Variants in ACER3 observed in about 807,000 individuals in gnomAD.
ACER3 encodes alkaline ceramidase 3.
ACER3 carries 16 observed loss-of-function variants against 48.9 expected under a neutral mutation model. The observed-to-expected ratio is 0.33, with a 90% CI of 0.22 to 0.50. ACER3 has a LOEUF of 0.50. Among genes scored for constraint, ACER3 ranks in the 20% least tolerant of loss-of-function variants. The pLI, the probability that ACER3 is intolerant of heterozygous loss-of-function variation, is 0.98. For missense variants in ACER3, 227 were observed against 326.0 expected, an observed-to-expected ratio of 0.70 and a Z score of 2.34; for synonymous variants, 109 against 107.8, an observed-to-expected ratio of 1.01 and a Z score of -0.07.
intron 1 of ACER3, among the ~76,000 whole-genome samples, chr11:76,891,619 G>C (rs1945807020): frequency 6.6e-6 from 1 of 152,184 alleles, no homozygotes; most frequent in African/African-American, 2.4e-5. Flanking sequence ...TAAAGGTCTA[G>C]ACTTGTTACT....
intron 3 of ACER3, among the ~76,000 whole-genome samples, chr11:76,968,121 A>C (rs1375982666): frequency 6.6e-6 from 1 of 152,124 alleles, no homozygotes; most frequent in Non-Finnish European, 1.5e-5. Flanking sequence ...AATGTGCAAA[A>C]ATCACAAGCA....
chr11:76,957,500 G>C lies in ACER3; in HGVS notation c.215-1479G>C, dbSNP rs187366571. 3.2e-3 allele frequency: 1,440 copies of C among 450,200 alleles called. 5 individuals are homozygous for C. The highest frequency in any genetic ancestry group is 4.3e-3 in the Non-Finnish European group (974 of 225,028). 27.9% of individuals were successfully genotyped at this position (450,200 alleles called of 1,614,324 possible). On this transcript the variant is annotated intron_variant, in intron 2 of 10. Transcript: ENST00000532485. ...ACTCTGTCGCCGAGGCTGAAGTGCAGTGGCACAATCTCGGCTCACTGCAAC... is the reference window on the plus strand; with the variant it reads ...ACTCTGTCGCCGAGGCTGAAGTGCACTGGCACAATCTCGGCTCACTGCAAC...
intron 2 of ACER3, among the ~76,000 whole-genome samples, chr11:76,940,260 A>G (rs1947303280): frequency 6.6e-6 from 1 of 152,134 alleles, no homozygotes. Flanking sequence ...CTAGGATTAC[A>G]GGCATGAGCC....
intron 4 of ACER3, among the ~76,000 whole-genome samples, chr11:76,980,241 T>C (rs1008403419): frequency 1.3e-5 from 2 of 152,190 alleles, no homozygotes; most frequent in African/African-American, 4.8e-5. Context: ...AAAAATAAGG[T>C]AAACTCCTTT....
chr11:76,938,988 C>A (rs896558182), intron 2 of ACER3, among the ~76,000 whole-genome samples: 2 of 86,628 alleles, frequency 2.3e-5, no homozygotes, highest in Non-Finnish European at 5.0e-5. Context: ...ATGAAGGAAT[C>A]ATGTCAAAGT....
intron 1 of ACER3, among the ~76,000 whole-genome samples, chr11:76,886,830 G>A (rs1482340227): frequency 3.3e-5 from 5 of 152,032 alleles, no homozygotes; most frequent in Admixed American, 6.5e-5. Context: ...ACAAGTGTGC[G>A]CTACACCTGG....
intron 1 of ACER3, among the ~76,000 whole-genome samples, chr11:76,906,846 C>T (rs1329215382): frequency 1.3e-5 from 2 of 152,182 alleles, no homozygotes; most frequent in African/African-American, 4.8e-5. Flanking sequence ...TAGGCATGAG[C>T]CGCCATGCCT....
chr11:76,969,516 T>C (rs1470735115), intron 3 of ACER3, among the ~76,000 whole-genome samples: 2 of 151,908 alleles, frequency 1.3e-5, no homozygotes, highest in East Asian at 1.9e-4. Flanking sequence ...TGTGGCACTA[T>C]TCACAATAGC....
At chr11:77,016,092 G>GT (rs1949361864) in intron 8 of ACER3, among the ~76,000 whole-genome samples, 1 of 133,100 alleles carries the variant, frequency 7.5e-6, no homozygotes, top group Non-Finnish European at 1.5e-5. Flanking sequence ...GGGCGACAGA[G>GT]CAAGACTCCG....
rs191713756 is a variant in ACER3 at position 76,927,905 on chromosome 11, G to T, written c.214+1238G>T. Among the ~76,000 whole-genome samples, 1,152 of 152,176 alleles carry T rather than the reference G, an allele frequency of 7.6e-3. 7 individuals are homozygous for T. Among genetic ancestry groups the T allele is most frequent in the African/African-American group, 0.026 (1,085 of 41,508 alleles). ...TTCCAAGTCTTTGCTATTGTGAATA[G>T]TGCCGCAATAAACATACGTGTGCAT... On this transcript the variant is annotated intron_variant, in intron 2 of 10. Coordinates refer to ENST00000532485, the MANE Select transcript of ACER3 (RefSeq NM_018367.7).
At chr11:76,876,151 T>C (rs1945374207) in intron 1 of ACER3, among the ~76,000 whole-genome samples, 2 of 152,186 alleles carry the variant, frequency 1.3e-5, no homozygotes, top group South Asian at 4.1e-4. Context: ...CATACACCTA[T>C]GTAACAACCT....
rs533830883 is a variant in ACER3 at position 76,960,917 on chromosome 11, G to C, written c.267+1886G>C. 2.0e-5 allele frequency among the ~76,000 whole-genome samples: 3 copies of C among 152,252 alleles called. No homozygotes were observed. In the East Asian group the frequency reaches 5.8e-4, roughly 29 times the overall value. On this transcript the variant is annotated intron_variant, in intron 3 of 10. Transcript: ENST00000532485. ...AGTGGGATGGAGAGAGTGCCACATAGTGGGGACAGCTTTGTGCCATGTTTT... is the reference window on the plus strand; with the variant it reads ...AGTGGGATGGAGAGAGTGCCACATACTGGGGACAGCTTTGTGCCATGTTTT...
intron 1 of ACER3, among the ~76,000 whole-genome samples, chr11:76,907,168 G>A (rs775821392): frequency 2.6e-5 from 4 of 152,046 alleles, no homozygotes; most frequent in Non-Finnish European, 5.9e-5. Context: ...TCACTTTAAA[G>A]TGAATCCCTC....
intron 7 of ACER3, among the ~76,000 whole-genome samples, chr11:77,007,746 G>A (rs1949183813): frequency 6.6e-6 from 1 of 152,204 alleles, no homozygotes; most frequent in South Asian, 2.1e-4. Context: ...GTGGGGATGA[G>A]AGTCCCAAGC....
intron 5 of ACER3, among the ~76,000 whole-genome samples, chr11:76,987,865 G>A (rs866499319): frequency 3.3e-5 from 5 of 152,180 alleles, no homozygotes; most frequent in African/African-American, 7.2e-5. Flanking sequence ...GCTTGAGCCC[G>A]AGAGGTCAAG....
At chr11:77,005,181 T>C (rs2135284128) in intron 7 of ACER3, among the ~76,000 whole-genome samples, 1 of 151,968 alleles carries the variant, frequency 6.6e-6, no homozygotes, top group South Asian at 2.1e-4. Flanking sequence ...GGGACTACAG[T>C]GCCTGCCACC....
At chr11:77,004,217 A>G (rs1555020422) in intron 7 of ACER3, among the ~76,000 whole-genome samples, 1 of 152,214 alleles carries the variant, frequency 6.6e-6, no homozygotes, top group African/African-American at 2.4e-5. Context: ...GCATGGCCCA[A>G]GACCCCAGGC....
chr11:76,962,936 C>T (rs10793220), intron 3 of ACER3, among the ~76,000 whole-genome samples: 87,450 of 150,994 alleles, frequency 0.58, 28,737 homozygotes, highest in Non-Finnish European at 0.74. Flanking sequence ...GTTAGGTAAA[C>T]GGTTAAGGCT....
At position 77,020,618 on chromosome 11, in the gene ACER3, A is replaced by G. The variant is rs1949457218; in HGVS notation, c.*291A>G. On this transcript the variant is annotated 3_prime_UTR_variant, in exon 11 of 11. Transcript: ENST00000532485. The stretch of plus-strand genomic sequence containing the variant: ...TGCAGAAACAGTTGGGCTTTTCTTA[A>G]CAGGTTAACAGTTTGTGCTGGTTAT... 1 of 318,582 alleles carries G rather than the reference A, an allele frequency of 3.1e-6. No individual in the cohort carries two copies. The highest frequency in any genetic ancestry group is 2.1e-5 in the African/African-American group (1 of 46,582). The allele number at this position is 318,582 out of a possible 1,614,324, so 19.7% of individuals were successfully genotyped here.
Sources: gnomAD v4.1 joint callset for allele counts (sites outside exome capture counted in the v4.1 genomes callset) on GRCh38, gnomAD v4.1.1 for gene constraint, MANE v1.5 for transcripts, NCBI Gene and HGNC (gene_info 2026-07-23, HGNC 2026-07-21) for gene names.